NRXN3: variants seen among roughly 807,000 people sequenced by gnomAD.
The protein encoded by NRXN3 is neurexin III.
A neutral mutation model predicts 137.6 loss-of-function variants in NRXN3; 32 were observed. The observed-to-expected ratio is 0.23, with a 90% CI of 0.18 to 0.31. The LOEUF is 0.31. Among genes scored for constraint, NRXN3 ranks in the 10% least tolerant of loss-of-function variants. The pLI is 1.00. For missense variants in NRXN3, 1,574 were observed against 2,062.5 expected (o/e 0.76, Z 4.59); for synonymous variants, 798 against 784.5 (o/e 1.02, Z -0.29).
Position 78,694,079 on chromosome 14 carries a change from A to AT in NRXN3, c.1222-15135dup, listed in dbSNP as rs574519067. Among the ~76,000 whole-genome samples the AT allele has an allele frequency of 1.5e-3, 230 of 152,056 alleles. 1 individual carries two copies. The highest frequency in any genetic ancestry group is 5.4e-3 in the African/African-American group (224 of 41,480). ...CTTAGTACTCCATCCTTTCAAAGGCATTTCTGATTGCCCCTTCCCTCTGCC... is the reference window on the plus strand; with the variant it reads ...CTTAGTACTCCATCCTTTCAAAGGCATTTTCTGATTGCCCCTTCCCTCTGCC... On this transcript the variant is annotated intron_variant, in intron 6 of 20. Coordinates refer to ENST00000335750, the MANE Select transcript of NRXN3 (RefSeq NM_001330195.2).
At position 79,843,307 on chromosome 14, in the gene NRXN3, TA is replaced by T. The variant is rs35791733; in HGVS notation, c.4094-18028del. Among the ~76,000 whole-genome samples, 338 of 152,286 alleles carry T rather than the reference TA, an allele frequency of 2.2e-3. 13 individuals are homozygous for T. The East Asian group carries it at 0.045, about 20-fold the overall frequency. On this transcript the variant is annotated intron_variant, in intron 20 of 20. Coordinates refer to ENST00000335750, the MANE Select transcript of NRXN3 (RefSeq NM_001330195.2). ...ATATGTGAAACAGCACTATATCTTT[TA>T]AAAAAATACTTTGATAAAAAATACT...
chr14:78,245,693 A>G (rs2067570950), intron 2 of NRXN3, among the ~76,000 whole-genome samples: 1 of 152,202 alleles, frequency 6.6e-6, no homozygotes, highest in Non-Finnish European at 1.5e-5. Flanking sequence ...GGAACATATC[A>G]GAGGTCTTGT....
At chr14:79,249,821 A>T (rs1163567877) in intron 15 of NRXN3, among the ~76,000 whole-genome samples, 5 of 152,204 alleles carry the variant, frequency 3.3e-5, no homozygotes, top group African/African-American at 1.2e-4. Context: ...TGAAAGTGAG[A>T]ATATCTAACC....
chr14:78,483,537 C>G (rs143100562), intron 4 of NRXN3, among the ~76,000 whole-genome samples: 296 of 152,316 alleles, frequency 1.9e-3, no homozygotes, highest in African/African-American at 6.7e-3. Context: ...TATCCAATAA[C>G]TTGGCTCTCA....
At chr14:79,633,700 ACT>A (rs1603284552) in intron 16 of NRXN3, among the ~76,000 whole-genome samples, 1 of 152,092 alleles carries the variant, frequency 6.6e-6, no homozygotes, top group South Asian at 2.1e-4. Context: ...ACATAATAAG[ACT>A]CTCTTTTGAG....
chr14:78,680,873 A>T (rs2152741955), intron 6 of NRXN3, among the ~76,000 whole-genome samples: 1 of 152,168 alleles, frequency 6.6e-6, no homozygotes, highest in East Asian at 1.9e-4. Context: ...CTAAATTGAT[A>T]CCCTGATATT....
At chr14:78,966,950 A>G (rs1164510469) in intron 12 of NRXN3, among the ~76,000 whole-genome samples, 1 of 152,170 alleles carries the variant, frequency 6.6e-6, no homozygotes, top group Non-Finnish European at 1.5e-5. Flanking sequence ...TGTAGTGTAC[A>G]ACCTGTGCTA....
chr14:78,971,270 T>C (rs1461686850), intron 14 of NRXN3, among the ~76,000 whole-genome samples: 1 of 152,096 alleles, frequency 6.6e-6, no homozygotes, highest in Non-Finnish European at 1.5e-5. Context: ...TTAGGTAGTA[T>C]GAGGACCACA....
chr14:79,444,200 G>A (rs78287996), intron 15 of NRXN3, among the ~76,000 whole-genome samples: 1,552 of 152,254 alleles, frequency 0.01, 38 homozygotes, highest in African/African-American at 0.035. Context: ...AAAAATACCC[G>A]TGTGAACTAT....
intron 19 of NRXN3, among the ~76,000 whole-genome samples, chr14:79,752,783 C>A (rs1209279060): frequency 4.0e-5 from 6 of 151,870 alleles, no homozygotes; most frequent in African/African-American, 1.5e-4. Context: ...GAACAGGCAA[C>A]CTACAAAATG....
At chr14:78,756,486 GAGCCTGGGTGGCTCTGATCGCCCAAGCTC>G in intron 8 of NRXN3, among the ~76,000 whole-genome samples, 1 of 149,690 alleles carries the variant, frequency 6.7e-6, no homozygotes, top group South Asian at 2.1e-4. Flanking sequence ...CTGGGTGACA[GAGCCTGGGTGGCTCTGATCGCCCAAGCTC>G]AGCCTGGGTG....
rs1469237430 is a variant in NRXN3, at chr14:79,780,491, C to A, written c.4015-24621C>A. Among the ~76,000 whole-genome samples the A allele has an allele frequency of 4.0e-5, 6 of 151,634 alleles. No homozygotes were observed. The East Asian group carries it at 1.2e-3, about 30-fold the overall frequency. ...AGGCGTGGTGGTGGGTGCCTGTAAT[C>A]CCAGCTACTTAGGAGGCTGAGGCAG... On this transcript the variant is annotated intron_variant, in intron 19 of 20. Transcript: ENST00000335750.
intron 10 of NRXN3, among the ~76,000 whole-genome samples, chr14:78,877,411 A>T (rs1402786693): frequency 6.6e-6 from 1 of 152,064 alleles, no homozygotes; most frequent in African/African-American, 2.4e-5. Context: ...TCTACCTTCC[A>T]TCTAGATGTC....
intron 15 of NRXN3, among the ~76,000 whole-genome samples, chr14:79,362,688 A>G (rs1404263326): frequency 1.3e-5 from 2 of 152,242 alleles, no homozygotes; most frequent in South Asian, 2.1e-4. Flanking sequence ...GCAGATGCCA[A>G]GAAATCAGAC....
Position 79,624,778 on chromosome 14 carries a change from C to G in NRXN3, c.3445-39000C>G, listed in dbSNP as rs141134652. 3.1e-4 allele frequency among the ~76,000 whole-genome samples: 46 copies of G among 148,270 alleles called. No individual in the cohort carries two copies. The East Asian group carries it at 8.0e-3, about 26-fold the overall frequency. ...GAGTGAGATCAAACTCTTTCACTCT[C>G]TCTTTCTTTCCCGTTTTTTTTTTTG... On this transcript the variant is annotated intron_variant, in intron 16 of 20. Transcript: ENST00000335750.
intron 16 of NRXN3, among the ~76,000 whole-genome samples, chr14:79,624,814 T>A (rs12882786): frequency 1.5e-5 from 2 of 135,062 alleles, no homozygotes; most frequent in Non-Finnish European, 3.4e-5. Flanking sequence ...TTTGTTTTTG[T>A]TTTTTTTTAA....
intron 4 of NRXN3, among the ~76,000 whole-genome samples, chr14:78,434,306 T>C (rs2093989491): frequency 6.6e-6 from 1 of 152,176 alleles, no homozygotes; most frequent in Admixed American, 6.5e-5. Context: ...GAGGGAGGGA[T>C]CTGTTCCAGG....
At chr14:78,293,246 G>A (rs1163381549) in intron 3 of NRXN3, among the ~76,000 whole-genome samples, 1 of 151,808 alleles carries the variant, frequency 6.6e-6, no homozygotes, top group Non-Finnish European at 1.5e-5. Flanking sequence ...CTTTTCCTTT[G>A]AGGTGTCATT....
chr14:78,751,018 C>T (rs890369057), intron 8 of NRXN3, among the ~76,000 whole-genome samples: 1 of 152,214 alleles, frequency 6.6e-6, no homozygotes, highest in Non-Finnish European at 1.5e-5. Flanking sequence ...GCCGTTTTGT[C>T]ATGCGGCTTA....
Sources: allele counts gnomAD v4.1 joint callset (sites outside exome capture counted in the v4.1 genomes callset), GRCh38; gene constraint gnomAD v4.1.1; transcripts MANE v1.5; gene names NCBI Gene and HGNC (gene_info 2026-07-23, HGNC 2026-07-21).